ZNF385D: variants seen among roughly 807,000 people sequenced by gnomAD.
ZNF385D encodes zinc finger protein 385D, also known as zinc finger protein 659.
Under a neutral mutation model 35.8 loss-of-function variants are expected in ZNF385D, and 15 were observed. The ratio of observed to expected loss-of-function variants is 0.42; its 90% CI spans 0.28 to 0.64. ZNF385D has a LOEUF of 0.64. Among genes scored for constraint, ZNF385D ranks in the 30% least tolerant of loss-of-function variants. The pLI is 0.23. For synonymous variants in ZNF385D, 212 were observed against 186.8 expected (o/e 1.13, Z -1.10); for missense variants, 474 against 494.6 (o/e 0.96, Z 0.39).
intron 3 of ZNF385D, among the ~76,000 whole-genome samples, chr3:22,121,191 A>C (rs1358998097): frequency 2.0e-5 from 3 of 152,148 alleles, no homozygotes; most frequent in African/African-American, 7.2e-5. Context: ...TCTTTCACTT[A>C]CTTCTAAACA....
chr3:21,733,763 T>C (rs1200007778), intron 1 of ZNF385D, among the ~76,000 whole-genome samples: 1 of 152,178 alleles, frequency 6.6e-6, no homozygotes, highest in Non-Finnish European at 1.5e-5. Context: ...TTTATTTCAG[T>C]GTAAGAAGTG....
At chr3:22,364,928 G>A (rs1164008823) in intron 2 of ZNF385D, among the ~76,000 whole-genome samples, 1 of 152,052 alleles carries the variant, frequency 6.6e-6, no homozygotes, top group Non-Finnish European at 1.5e-5. Context: ...TAAAAAGGAA[G>A]GAAATTCTGA....
chr3:21,671,431 A>T (rs2066573393), intron 1 of ZNF385D, among the ~76,000 whole-genome samples: 1 of 152,164 alleles, frequency 6.6e-6, no homozygotes, highest in Non-Finnish European at 1.5e-5. Flanking sequence ...GAATATAGAT[A>T]ATTTAATATA....
chr3:21,686,798 T>G lies in ZNF385D; in HGVS notation c.23-21770A>C, dbSNP rs567569316. Among the ~76,000 whole-genome samples the G allele has an allele frequency of 3.3e-5, 5 of 152,304 alleles. No homozygotes were observed. In the East Asian group the frequency reaches 9.6e-4, roughly 29 times the overall value. ...TATTTTCATACGAAATTGAAATTAG[T>G]TATAGATTCAAGGTTTAATTGTCAC... On this transcript the variant is annotated intron_variant, in intron 1 of 7. Coordinates refer to ENST00000281523, the MANE Select transcript of ZNF385D (RefSeq NM_024697.3).
At chr3:21,712,777 A>G (rs2068163012) in intron 1 of ZNF385D, among the ~76,000 whole-genome samples, 1 of 152,214 alleles carries the variant, frequency 6.6e-6, no homozygotes, top group Non-Finnish European at 1.5e-5. Context: ...CTGAGCAAAT[A>G]CAGTTCTCTC....
chr3:21,643,312 C>T (rs2065659421), intron 2 of ZNF385D, among the ~76,000 whole-genome samples: 1 of 152,014 alleles, frequency 6.6e-6, no homozygotes. Flanking sequence ...AGGTAAAAAG[C>T]TAGCATTGGT....
At chr3:22,044,138 T>C (rs1254616466) in intron 3 of ZNF385D, among the ~76,000 whole-genome samples, 1 of 151,494 alleles carries the variant, frequency 6.6e-6, no homozygotes, top group East Asian at 1.9e-4. Context: ...TTGGTGGGTA[T>C]GCTGTGATTG....
chr3:21,724,176 A>T (rs893965971), intron 1 of ZNF385D, among the ~76,000 whole-genome samples: 2 of 152,138 alleles, frequency 1.3e-5, no homozygotes, highest in African/African-American at 4.8e-5. Context: ...AGGAGCATCC[A>T]GTACCAGCCA....
intron 1 of ZNF385D, among the ~76,000 whole-genome samples, chr3:21,689,469 G>T (rs907295281): frequency 6.6e-5 from 10 of 152,110 alleles, no homozygotes; most frequent in African/African-American, 2.4e-4. Flanking sequence ...ACTTGAAAAG[G>T]GTGGACTTGA....
At chr3:21,469,236 G>C (rs912738265) in intron 4 of ZNF385D, among the ~76,000 whole-genome samples, 8 of 152,172 alleles carry the variant, frequency 5.3e-5, no homozygotes, top group Admixed American at 2.0e-4. Context: ...TTCGCATGCT[G>C]TAAATGGAAC....
chr3:22,367,495 A>G (rs1003295048), intron 2 of ZNF385D, among the ~76,000 whole-genome samples: 1 of 152,178 alleles, frequency 6.6e-6, no homozygotes, highest in Non-Finnish European at 1.5e-5. Flanking sequence ...CAGTACATGG[A>G]ACCTTTGTTC....
chr3:22,012,088 T>A (rs950870834), intron 3 of ZNF385D, among the ~76,000 whole-genome samples: 3 of 152,154 alleles, frequency 2.0e-5, no homozygotes, highest in Admixed American at 6.5e-5. Flanking sequence ...TTGGGAACCA[T>A]AGGTAGGCTC....
At chr3:21,723,726 T>G (rs549243013) in intron 1 of ZNF385D, among the ~76,000 whole-genome samples, 1 of 152,274 alleles carries the variant, frequency 6.6e-6, no homozygotes, top group East Asian at 1.9e-4. Context: ...AAAACACTCT[T>G]CAGGATATTA....
chr3:22,122,639 C>G (rs1234034736), intron 3 of ZNF385D, among the ~76,000 whole-genome samples: 6 of 151,884 alleles, frequency 4.0e-5, no homozygotes, highest in Non-Finnish European at 8.8e-5. Context: ...TATAGGGTTT[C>G]TTGAATAATA....
intron 2 of ZNF385D, among the ~76,000 whole-genome samples, chr3:22,263,271 G>C (rs1201162424): frequency 1.3e-5 from 2 of 152,012 alleles, no homozygotes; most frequent in African/African-American, 2.4e-5. Flanking sequence ...CTCCAGCAAA[G>C]CTGCCCATCT....
chr3:21,968,709 G>T (rs920849655), intron 3 of ZNF385D, among the ~76,000 whole-genome samples: 2 of 152,200 alleles, frequency 1.3e-5, no homozygotes, highest in Non-Finnish European at 2.9e-5. Flanking sequence ...TAAATAATCA[G>T]CAATGGTAGC....
chr3:22,046,871 T>A (rs1699035369), intron 3 of ZNF385D, among the ~76,000 whole-genome samples: 1 of 152,066 alleles, frequency 6.6e-6, no homozygotes, highest in Non-Finnish European at 1.5e-5. Context: ...TCATCAACTG[T>A]GAAACAAAGG....
intron 2 of ZNF385D, among the ~76,000 whole-genome samples, chr3:21,624,479 T>C (rs1022409066): frequency 2.6e-5 from 4 of 152,108 alleles, no homozygotes; most frequent in Admixed American, 2.0e-4. Flanking sequence ...GTTACCTGCA[T>C]TGGGAGAGAC....
At chr3:21,584,838 A>G (rs753305384) in intron 2 of ZNF385D, among the ~76,000 whole-genome samples, 7 of 152,056 alleles carry the variant, frequency 4.6e-5, no homozygotes, top group Non-Finnish European at 8.8e-5. Flanking sequence ...CCAGGATCTG[A>G]CCTCACACTC....
Sources: gnomAD v4.1 joint callset for allele counts (sites outside exome capture counted in the v4.1 genomes callset) on GRCh38, gnomAD v4.1.1 for gene constraint, MANE v1.5 for transcripts, NCBI Gene and HGNC (gene_info 2026-07-23, HGNC 2026-07-21) for gene names.